Variants in NDUFS4 observed in about 807,000 individuals in gnomAD.
The protein encoded by NDUFS4 is NADH dehydrogenase [ubiquinone] iron-sulfur protein 4, mitochondrial.
A neutral mutation model predicts 24.3 loss-of-function variants in NDUFS4; 28 were observed. That is an observed-to-expected ratio of 1.15 (90% confidence interval 0.85 to 1.58). The LOEUF (loss-of-function observed/expected upper bound fraction) is 1.58, where lower values mean the gene tolerates loss of function less well. NDUFS4 is among the 40% of genes most tolerant of loss of function. NDUFS4 has a pLI of 0.00. For synonymous variants in NDUFS4, 93 were observed against 69.7 expected (o/e 1.34, Z -1.67); for missense variants, 223 against 207.9 (o/e 1.07, Z -0.45).
At chr5:53,603,662 T>A (rs1750403837) in intron 2 of NDUFS4, 132 bp downstream of exon 2, 1 of 688,756 alleles carries the variant, frequency 1.5e-6, no homozygotes, top group African/African-American at 1.8e-5. Context: ...TACCTAAATT[T>A]TAAGAAGAAA....
At chr5:53,594,683 G>C (rs945777737) in intron 1 of NDUFS4, among the ~76,000 whole-genome samples, 8 of 151,620 alleles carry the variant, frequency 5.3e-5, no homozygotes, top group African/African-American at 9.7e-5. Flanking sequence ...TATTATCTCT[G>C]ATTTTTCCTT....
intron 1 of NDUFS4, among the ~76,000 whole-genome samples, chr5:53,563,761 C>T (rs1435499896): frequency 6.6e-6 from 1 of 152,170 alleles, no homozygotes; most frequent in Non-Finnish European, 1.5e-5. Context: ...CCCGGCCTCC[C>T]AAAGTGCTGG....
chr5:53,679,437 C>G (rs1385649696), intron 4 of NDUFS4, among the ~76,000 whole-genome samples: 1 of 152,152 alleles, frequency 6.6e-6, no homozygotes, highest in Non-Finnish European at 1.5e-5. Context: ...TCAACAGCAA[C>G]TGTAATCTGG....
At chr5:53,571,688 T>A (rs1255138525) in intron 1 of NDUFS4, among the ~76,000 whole-genome samples, 2 of 152,190 alleles carry the variant, frequency 1.3e-5, no homozygotes, top group Non-Finnish European at 2.9e-5. Context: ...TCTCCAACTT[T>A]GTTATTATCT....
At chr5:53,609,520 A>G (rs1443255219) in intron 2 of NDUFS4, among the ~76,000 whole-genome samples, 2 of 152,334 alleles carry the variant, frequency 1.3e-5, no homozygotes, top group African/African-American at 4.8e-5. Context: ...GAGATTTAGC[A>G]TAATTCTTAA....
intron 2 of NDUFS4, among the ~76,000 whole-genome samples, chr5:53,627,681 TTGTC>T (rs1265930165): frequency 2.0e-5 from 3 of 152,140 alleles, no homozygotes; most frequent in Non-Finnish European, 4.4e-5. Context: ...GGCTCTCTGT[TTGTC>T]TGTTATTGGT....
chr5:53,588,841 T>C (rs1749852848), intron 1 of NDUFS4, among the ~76,000 whole-genome samples: 1 of 152,166 alleles, frequency 6.6e-6, no homozygotes, highest in Non-Finnish European at 1.5e-5. Flanking sequence ...TTTTATTTTA[T>C]TTTTAATATA....
chr5:53,601,135 C>G (rs1419435392), intron 1 of NDUFS4, among the ~76,000 whole-genome samples: 2 of 151,738 alleles, frequency 1.3e-5, no homozygotes, highest in African/African-American at 4.8e-5. Context: ...CTCCGAGTAG[C>G]TGCGACTACA....
chr5:53,602,931 T>G (rs4147735), intron 1 of NDUFS4, among the ~76,000 whole-genome samples: 24,452 of 152,198 alleles, frequency 0.16, 1,957 homozygotes, highest in Middle Eastern at 0.18. Flanking sequence ...CTAATTTTAT[T>G]TCTCCCATTT....
At chr5:53,580,270 T>A (rs1164105641) in intron 1 of NDUFS4, among the ~76,000 whole-genome samples, 1 of 152,320 alleles carries the variant, frequency 6.6e-6, no homozygotes, top group African/African-American at 2.4e-5. Flanking sequence ...GAGAATTTTT[T>A]AAAAACAGTT....
intron 1 of NDUFS4, among the ~76,000 whole-genome samples, chr5:53,565,560 A>T (rs1748992675): frequency 1.3e-5 from 2 of 152,234 alleles, no homozygotes. Context: ...AGGGAGCATT[A>T]CGCAGTGTTT....
At chr5:53,638,024 T>G (rs1052525396) in intron 2 of NDUFS4, among the ~76,000 whole-genome samples, 9 of 152,154 alleles carry the variant, frequency 5.9e-5, no homozygotes, top group African/African-American at 1.9e-4. Flanking sequence ...ATTATAATGA[T>G]GCAGTTGGCA....
chr5:53,607,493 A>T (rs1750559766), intron 2 of NDUFS4, among the ~76,000 whole-genome samples: 1 of 152,238 alleles, frequency 6.6e-6, no homozygotes, highest in African/African-American at 2.4e-5. Flanking sequence ...AAAAGAAAAA[A>T]AAGACTGTTC....
intron 1 of NDUFS4, among the ~76,000 whole-genome samples, chr5:53,583,081 G>A (rs917256362): frequency 7.9e-5 from 12 of 152,060 alleles, no homozygotes; most frequent in African/African-American, 2.9e-4. Flanking sequence ...CTTTCACTGT[G>A]TTAGCCAGGA....
At chr5:53,670,826 A>G (rs2111572233) in intron 4 of NDUFS4, among the ~76,000 whole-genome samples, 1 of 151,642 alleles carries the variant, frequency 6.6e-6, no homozygotes, top group East Asian at 1.9e-4. Flanking sequence ...ATAAAGAGAT[A>G]CTGTAGGTCT....
intron 1 of NDUFS4, among the ~76,000 whole-genome samples, chr5:53,562,709 A>G (rs1467678369): frequency 1.3e-5 from 2 of 152,142 alleles, no homozygotes; most frequent in Non-Finnish European, 2.9e-5. Flanking sequence ...TCTCCCTTAC[A>G]TATTGTTTGT....
chr5:53,600,988 G>A (rs1198884606), intron 1 of NDUFS4, among the ~76,000 whole-genome samples: 3 of 148,690 alleles, frequency 2.0e-5, no homozygotes, highest in Non-Finnish European at 3.0e-5. Flanking sequence ...TTATCAGTGC[G>A]TTTGTTTATA....
At chr5:53,640,391 C>T (rs556068766) in intron 2 of NDUFS4, among the ~76,000 whole-genome samples, 67 of 152,134 alleles carry the variant, frequency 4.4e-4, no homozygotes, top group African/African-American at 1.6e-3. Context: ...TAAAGGAATA[C>T]CTGAGACTGG....
At chr5:53,607,646 A>T (rs1428842803) in intron 2 of NDUFS4, among the ~76,000 whole-genome samples, 1 of 152,208 alleles carries the variant, frequency 6.6e-6, no homozygotes, top group Non-Finnish European at 1.5e-5. Context: ...GCATGGGTAA[A>T]AGTTTCCTTT....
Sources: allele counts gnomAD v4.1 joint callset (sites outside exome capture counted in the v4.1 genomes callset), GRCh38; gene constraint gnomAD v4.1.1; transcripts MANE v1.5; gene names NCBI Gene and HGNC (gene_info 2026-07-23, HGNC 2026-07-21).